Variants in UBXN2B observed in about 807,000 individuals in gnomAD.
UBXN2B encodes UBX domain protein 2B.
Under a neutral mutation model 37.5 loss-of-function variants are expected in UBXN2B, and 19 were observed. That is an observed-to-expected ratio of 0.51 (90% CI 0.35 to 0.74). The LOEUF is 0.74. Among genes scored for constraint, UBXN2B ranks in the 30% least tolerant of loss-of-function variants. UBXN2B has a pLI of 0.01. For synonymous variants in UBXN2B, 145 were observed against 143.8 expected, an observed-to-expected ratio of 1.01 and a Z score of -0.06; for missense variants, 370 against 393.2, an observed-to-expected ratio of 0.94 and a Z score of 0.50.
intron 2 of UBXN2B, among the ~76,000 whole-genome samples, chr8:58,429,069 G>A (rs1015787653): frequency 6.6e-6 from 1 of 152,114 alleles, no homozygotes; most frequent in Admixed American, 6.5e-5. Flanking sequence ...AATAAAAACC[G>A]TTAACCGTAA....
chr8:58,450,131 CTAGAG>C lies in UBXN2B; in HGVS notation c.*2583_*2587del, dbSNP rs1197424922. 2 of 152,174 alleles carry C rather than the reference CTAGAG, an allele frequency of 1.3e-5. No homozygotes were observed. The highest frequency in any genetic ancestry group is 2.9e-5 in the Non-Finnish European group (2 of 68,028). The allele number at this position is 152,174 out of a possible 1,614,324, so 9.4% of individuals were successfully genotyped here. A position where few individuals can be genotyped will look rare whatever the true frequency, so the allele number is the denominator to read the frequency against. On this transcript the variant is annotated 3_prime_UTR_variant, in exon 8 of 8. Coordinates refer to ENST00000399598, the MANE Select transcript of UBXN2B (RefSeq NM_001077619.2). ...TACAGCCATATCTTCATCACTTTCT[CTAGAG>C]TAAAGGCTGTCCTGACGGTGAATCT...
intron 2 of UBXN2B, chr8:58,424,727 G>A: frequency 1.4e-6 from 2 of 1,381,712 alleles, no homozygotes; most frequent in Non-Finnish European, 1.0e-6. Flanking sequence ...TGGTCCGCTA[G>A]AGAATACTTA....
At chr8:58,438,847 T>TC (rs1319430834) in intron 5 of UBXN2B, among the ~76,000 whole-genome samples, 1 of 152,082 alleles carries the variant, frequency 6.6e-6, no homozygotes, top group African/African-American at 2.4e-5. Context: ...GGATGTTTTG[T>TC]CCCCTCCAAA....
intron 6 of UBXN2B, among the ~76,000 whole-genome samples, chr8:58,440,681 C>G (rs1808517256): frequency 6.6e-6 from 1 of 152,166 alleles, no homozygotes; most frequent in Non-Finnish European, 1.5e-5. Flanking sequence ...TTTGGTGCAT[C>G]CTTTGCTTCT....
chr8:58,449,528 T>C lies in UBXN2B; in HGVS notation c.*1977T>C, dbSNP rs550259541. 1.3e-5 allele frequency: 2 copies of C among 152,336 alleles called. No individual in the cohort carries two copies. Among genetic ancestry groups the C allele is most frequent in the Non-Finnish European group, 2.9e-5 (2 of 68,044 alleles). The allele number at this position is 152,336 out of a possible 1,614,324, so 9.4% of individuals were successfully genotyped here. The stretch of plus-strand genomic sequence containing the variant: ...GTGATTTCTGGGACATAATTCCAAC[T>C]GTGCACTTGTGAACCTAGAAAACAA... On this transcript the variant is annotated 3_prime_UTR_variant, in exon 8 of 8. Transcript: ENST00000399598.
rs1388976560 is a variant in UBXN2B at position 58,449,361 on chromosome 8, A to G, written c.*1810A>G. The G allele has an allele frequency of 6.6e-6, 1 of 151,608 alleles. No homozygotes were observed. The highest frequency in any genetic ancestry group is 2.4e-5 in the African/African-American group (1 of 41,240). The allele number at this position is 151,608 out of a possible 1,614,324, so 9.4% of individuals were successfully genotyped here. A position where few individuals can be genotyped will look rare whatever the true frequency, so the allele number is the denominator to read the frequency against. On this transcript the variant is annotated 3_prime_UTR_variant, in exon 8 of 8. Transcript: ENST00000399598. ...TCAGATTCATCACAAATAAATTTAC[A>G]TCACTCATAGGTGCTCAAAAGTCAC...
In UBXN2B at chr8:58,420,007, C is replaced by T. The variant is rs555814904; in HGVS notation, c.188+3054C>T. 5.9e-5 allele frequency among the ~76,000 whole-genome samples: 9 copies of T among 152,308 alleles called. No individual in the cohort carries two copies. The East Asian group carries it at 1.5e-3, about 26-fold the overall frequency. On this transcript the variant is annotated intron_variant, in intron 2 of 7. Coordinates refer to ENST00000399598, the MANE Select transcript of UBXN2B (RefSeq NM_001077619.2). ...GTCTCACAAATTATGTAGCCAGTTG[C>T]GGATACAGCCTTGAAGACCAAGAAG...
In UBXN2B at chr8:58,447,781, G is replaced by C. The variant is rs1445372895; in HGVS notation, c.*230G>C. On this transcript the variant is annotated 3_prime_UTR_variant, in exon 8 of 8. Coordinates refer to ENST00000399598, the MANE Select transcript of UBXN2B (RefSeq NM_001077619.2). ...GTTGAAGGACTGGCTTATGTTGATAGTTTTTGGATTTCTAGGCAAATGAGT... is the reference window on the plus strand; with the variant it reads ...GTTGAAGGACTGGCTTATGTTGATACTTTTTGGATTTCTAGGCAAATGAGT... 1 of 346,358 alleles carries C rather than the reference G, an allele frequency of 2.9e-6. No homozygotes were observed. The highest frequency in any genetic ancestry group is 4.6e-5 in the East Asian group (1 of 21,906). 21.5% of individuals were successfully genotyped at this position (346,358 alleles called of 1,614,324 possible).
In UBXN2B at chr8:58,447,875, T is replaced by C. The variant is rs541169484; in HGVS notation, c.*324T>C. 68 of 178,578 alleles carry C rather than the reference T, an allele frequency of 3.8e-4. No homozygotes were observed. Among genetic ancestry groups the C allele is most frequent in the Middle Eastern group, 2.4e-3 (1 of 410 alleles). 11.1% of individuals were successfully genotyped at this position (178,578 alleles called of 1,614,324 possible). A position where few individuals can be genotyped will look rare whatever the true frequency, so the allele number is the denominator to read the frequency against. On this transcript the variant is annotated 3_prime_UTR_variant, in exon 8 of 8. Transcript: ENST00000399598. ...AAAAATGAACAAAACCCCTTTTTGA[T>C]AAATGCATTTGGTAAAATTTGCACT...
At chr8:58,430,179 C>T (rs1335493953) in intron 2 of UBXN2B, among the ~76,000 whole-genome samples, 2 of 152,152 alleles carry the variant, frequency 1.3e-5, no homozygotes, top group Admixed American at 6.5e-5. Context: ...TGACTGTTGA[C>T]ACTGCTTTTC....
At chr8:58,441,235 T>A (rs1044774427) in intron 6 of UBXN2B, among the ~76,000 whole-genome samples, 1 of 151,536 alleles carries the variant, frequency 6.6e-6, no homozygotes. Flanking sequence ...CTCAAGCTGT[T>A]CTTCTGCCTT....
chr8:58,442,764 C>T (rs1029261137), intron 6 of UBXN2B, among the ~76,000 whole-genome samples: 1 of 152,090 alleles, frequency 6.6e-6, no homozygotes, highest in African/African-American at 2.4e-5. Context: ...GGAGGACTAG[C>T]GAGTAGGCAT....
intron 1 of UBXN2B, among the ~76,000 whole-genome samples, chr8:58,415,575 A>G (rs1163346983): frequency 6.6e-6 from 1 of 152,100 alleles, no homozygotes; most frequent in East Asian, 1.9e-4. Flanking sequence ...ATTACTAAAC[A>G]TTTAAGAATA....
intron 2 of UBXN2B, chr8:58,426,821 C>A (rs1347162143): frequency 1.7e-6 from 1 of 582,272 alleles, no homozygotes; most frequent in Non-Finnish European, 3.2e-6. Context: ...GTGCACAGAC[C>A]CCCCTCCAGG....
rs531380696 is a variant in UBXN2B, at chr8:58,424,284, A to G, written c.189-6235A>G. On this transcript the variant is annotated intron_variant, in intron 2 of 7. Transcript: ENST00000399598. ...TTTGAATCCCCATAATCTGCAAAAT[A>G]TAGCACACAATTTAACTGCTTCCTC... Among the ~76,000 whole-genome samples the G allele has an allele frequency of 6.6e-5, 10 of 152,160 alleles. No homozygotes were observed. The South Asian group carries it at 1.5e-3, about 22-fold the overall frequency.
intron 4 of UBXN2B, 24 bp from the exon 5 acceptor site, chr8:58,434,371 T>TA (rs1563464098): frequency 2.1e-4 from 101 of 480,624 alleles, no homozygotes; most frequent in African/African-American, 1.9e-3. Flanking sequence ...ATATATATAT[T>TA]TTTTTTTTTT....
chr8:58,417,519 C>T (rs895960084), intron 2 of UBXN2B, among the ~76,000 whole-genome samples: 1 of 152,110 alleles, frequency 6.6e-6, no homozygotes, highest in Non-Finnish European at 1.5e-5. Context: ...TTATTAAAAT[C>T]CCTGAAGTAT....
chr8:58,438,027 G>A (rs988873151), intron 5 of UBXN2B, among the ~76,000 whole-genome samples: 2 of 148,520 alleles, frequency 1.3e-5, no homozygotes, highest in Non-Finnish European at 1.5e-5. Context: ...TTGGGGCCCA[G>A]CTGCCCTGTG....
chr8:58,434,507 AAGATGTATT>A lies in UBXN2B; in HGVS notation c.533+5_533+13del. Reference sequence around the variant, plus strand: ...TTTCTGGAGTCTGTTAAGAGAGGGTAAGATGTATTATTTGTATTCTATTTGTTATGTAGA... The same window carrying A: ...TTTCTGGAGTCTGTTAAGAGAGGGTAATTTGTATTCTATTTGTTATGTAGA... On this transcript the variant is annotated splice_donor_5th_base_variant and intron_variant, in intron 5 of 7. Transcript: ENST00000399598. 1 of 1,527,346 alleles carries A rather than the reference AAGATGTATT, an allele frequency of 6.5e-7. No homozygotes were observed. Among genetic ancestry groups the A allele is most frequent in the Non-Finnish European group, 8.8e-7 (1 of 1,136,210 alleles). 94.6% of individuals were successfully genotyped at this position (1,527,346 alleles called of 1,614,324 possible).
Sources: allele counts gnomAD v4.1 joint callset (sites outside exome capture counted in the v4.1 genomes callset), GRCh38; gene constraint gnomAD v4.1.1; transcripts MANE v1.5; gene names NCBI Gene and HGNC (gene_info 2026-07-23, HGNC 2026-07-21).